CDC25C: variants seen among roughly 807,000 people sequenced by gnomAD.
The protein encoded by CDC25C is M-phase inducer phosphatase 3.
Under a neutral mutation model 52.5 loss-of-function variants are expected in CDC25C, and 48 were observed. That is an observed-to-expected ratio of 0.91 (90% CI 0.72 to 1.16). CDC25C has a LOEUF of 1.16. Among genes scored for constraint, CDC25C ranks in the 50% most tolerant of loss-of-function variants. The pLI, the probability that CDC25C is intolerant of heterozygous loss-of-function variation, is 0.00. For synonymous variants in CDC25C, 187 were observed against 206.5 expected (o/e 0.91, Z 0.81); for missense variants, 510 against 566.1 (o/e 0.90, Z 1.01).
intron 1 of CDC25C, chr5:138,337,743 C>A: frequency 2.9e-6 from 1 of 345,762 alleles, no homozygotes. Context: ...GGCCCTAATC[C>A]GCGCTTGGAC....
intron 7 of CDC25C, among the ~76,000 whole-genome samples, chr5:138,306,008 T>C (rs1757977773): frequency 6.6e-6 from 1 of 152,176 alleles, no homozygotes; most frequent in South Asian, 2.1e-4. Flanking sequence ...GCAGCAAGCC[T>C]GATCATGTTC....
At chr5:138,310,314 G>A (rs1221242130) in intron 7 of CDC25C, among the ~76,000 whole-genome samples, 1 of 152,154 alleles carries the variant, frequency 6.6e-6, no homozygotes, top group Non-Finnish European at 1.5e-5. Context: ...ACCTGATAAT[G>A]CCCTCATAGG....
chr5:138,325,491 C>A (rs1759775944), intron 6 of CDC25C, among the ~76,000 whole-genome samples: 1 of 152,088 alleles, frequency 6.6e-6, no homozygotes, highest in South Asian at 2.1e-4. Flanking sequence ...CAAGTTATCC[C>A]TACCTGTTAA....
intron 7 of CDC25C, among the ~76,000 whole-genome samples, chr5:138,309,632 G>T (rs1191818595): frequency 2.0e-5 from 3 of 151,520 alleles, no homozygotes; most frequent in Non-Finnish European, 4.4e-5. Context: ...AAAAACAACT[G>T]CAATCATCAT....
At chr5:138,306,321 C>T (rs539643229) in intron 7 of CDC25C, among the ~76,000 whole-genome samples, 6 of 152,158 alleles carry the variant, frequency 3.9e-5, no homozygotes, top group African/African-American at 1.4e-4. Flanking sequence ...TGTTCACCAT[C>T]GTATCACCAG....
In CDC25C at chr5:138,290,640, T is replaced by A. The variant is rs776903319; in HGVS notation, c.863A>T (p.Lys288Met). ...CAGGATGGGTGTAGCCAAACTCACC[T>A]TGGAAAAATCACCAATCAGGTGCCC... Reference protein sequence around the residue: ...NQGHLIGDFSKVCALPTVSGK... With the variant: ...NQGHLIGDFSMVCALPTVSGK... The change falls in exon 9 of 14, where the codon AAG becomes ATG. Residue 288 changes from lysine (K) to methionine (M), a missense_variant and splice_region_variant. Lys to Met is a moderately conservative substitution (Grantham distance 95). Transcript: ENST00000323760. The A allele has an allele frequency of 6.3e-7, 1 of 1,577,886 alleles. No homozygotes were observed. Among genetic ancestry groups the A allele is most frequent in the South Asian group, 1.1e-5 (1 of 90,316 alleles).
chr5:138,288,324 C>T (rs1756430014), intron 10 of CDC25C, among the ~76,000 whole-genome samples: 1 of 152,150 alleles, frequency 6.6e-6, no homozygotes, highest in African/African-American at 2.4e-5. Context: ...ATTCGCCTGC[C>T]TTGGCCTCTC....
chr5:138,329,600 T>C lies in CDC25C; in HGVS notation c.242A>G (p.Glu81Gly). The C allele has an allele frequency of 1.2e-6, 2 of 1,613,582 alleles. No homozygotes were observed. The highest frequency in any genetic ancestry group is 1.7e-6 in the Non-Finnish European group (2 of 1,179,640). ...AGTGGTAAGCTGAGTGGCAGTTATCTCCCCACTGCTAAGATTCGAAAGATC... is the reference window on the plus strand; with the variant it reads ...AGTGGTAAGCTGAGTGGCAGTTATCCCCCCACTGCTAAGATTCGAAAGATC... ...CLDLSNLSSG[E>G]ITATQLTTSA... The change falls in exon 3 of 14, where the codon GAG (glutamate) becomes GGG (glycine). Residue 81 changes from glutamate to glycine, a missense_variant. Transcript: ENST00000323760.
upstream of CDC25C, among the ~76,000 whole-genome samples, chr5:138,336,466 T>C (rs892705463): frequency 6.6e-6 from 1 of 152,100 alleles, no homozygotes; most frequent in Non-Finnish European, 1.5e-5. Flanking sequence ...GGAAGATTGT[T>C]TGAGGCCAGG....
intron 7 of CDC25C, among the ~76,000 whole-genome samples, chr5:138,311,226 T>C (rs1049325229): frequency 3.3e-5 from 5 of 152,200 alleles, no homozygotes; most frequent in East Asian, 1.9e-4. Flanking sequence ...CCTTCTCTTA[T>C]ACCATATACA....
chr5:138,306,235 A>G (rs1012166606), intron 7 of CDC25C, among the ~76,000 whole-genome samples: 6 of 152,138 alleles, frequency 3.9e-5, no homozygotes, highest in African/African-American at 1.4e-4. Flanking sequence ...AACTCTAACT[A>G]GAATATCTAT....
chr5:138,304,267 C>T (rs926079295), intron 7 of CDC25C, among the ~76,000 whole-genome samples: 2 of 150,682 alleles, frequency 1.3e-5, no homozygotes, highest in African/African-American at 4.9e-5. Flanking sequence ...CCCCTGGGCT[C>T]AAGCCATCCT....
intron 9 of CDC25C, among the ~76,000 whole-genome samples, chr5:138,289,906 T>C (rs1756570623): frequency 6.6e-6 from 1 of 151,324 alleles, no homozygotes; most frequent in Non-Finnish European, 1.5e-5. Context: ...ATGGAGCTAT[T>C]AAAATGAAAT....
intron 4 of CDC25C, 51 bp from the exon 5 acceptor site, chr5:138,326,105 T>C: frequency 6.3e-7 from 1 of 1,599,136 alleles, no homozygotes; most frequent in Non-Finnish European, 8.6e-7. Context: ...TACTGTTTGA[T>C]TATTCTTCAG....
chr5:138,297,051 C>T (rs180842738), intron 7 of CDC25C, among the ~76,000 whole-genome samples: 16 of 150,848 alleles, frequency 1.1e-4, no homozygotes, highest in African/African-American at 3.4e-4. Context: ...GCTGGGACTA[C>T]AGGCATCCGC....
At chr5:138,336,321 A>G (rs1760702071), upstream of CDC25C, among the ~76,000 whole-genome samples, 1 of 151,816 alleles carries the variant, frequency 6.6e-6, no homozygotes, top group Non-Finnish European at 1.5e-5. Context: ...TTTAGTAGAG[A>G]CGGGGTTTCA....
At chr5:138,294,786 G>A (rs530462256) in intron 7 of CDC25C, among the ~76,000 whole-genome samples, 1 of 152,104 alleles carries the variant, frequency 6.6e-6, no homozygotes, top group South Asian at 2.1e-4. Context: ...TTACAGGCAT[G>A]AGCCACCGCG....
upstream of CDC25C, among the ~76,000 whole-genome samples, chr5:138,336,460 G>A (rs919858289): frequency 6.6e-6 from 1 of 152,178 alleles, no homozygotes; most frequent in African/African-American, 2.4e-5. Context: ...AAGATGGGAA[G>A]ATTGTTTGAG....
At chr5:138,316,002 C>T (rs1427824934) in intron 7 of CDC25C, among the ~76,000 whole-genome samples, 3 of 152,222 alleles carry the variant, frequency 2.0e-5, no homozygotes, top group Non-Finnish European at 2.9e-5. Flanking sequence ...TCCTGTTCCA[C>T]GGAGCAGGCA....
Sources: allele counts gnomAD v4.1 joint callset (sites outside exome capture counted in the v4.1 genomes callset), GRCh38; gene constraint gnomAD v4.1.1; transcripts MANE v1.5; gene names NCBI Gene and HGNC (gene_info 2026-07-23, HGNC 2026-07-21).